RBMS2: variants seen among roughly 807,000 people sequenced by gnomAD.
RBMS2 encodes the protein RNA binding motif single stranded interacting protein 2.
Under a neutral mutation model 58.4 loss-of-function variants are expected in RBMS2, and 38 were observed. The observed-to-expected ratio is 0.65, with a 90% CI of 0.50 to 0.85. The LOEUF is 0.85. Ranked by LOEUF, RBMS2 falls within the 40% of genes least tolerant of loss-of-function variation. The pLI is 0.00. For synonymous variants in RBMS2, 151 were observed against 180.7 expected, an observed-to-expected ratio of 0.84 and a Z score of 1.32; for missense variants, 367 against 503.7, an observed-to-expected ratio of 0.73 and a Z score of 2.60.
Position 56,559,242 on chromosome 12 carries a change from C to T in RBMS2, c.67-3175C>T, listed in dbSNP as rs150533352. ...TTGCCCAGGCTGGAGTGCAGTGGCA[C>T]AATCTCGGCTCACTGCAAGCTCTGC... is the stretch of plus-strand genomic sequence containing the variant. On this transcript the variant is annotated intron_variant, in intron 1 of 13. Transcript: ENST00000262031. Among the ~76,000 whole-genome samples, 566 of 151,918 alleles carry T rather than the reference C, an allele frequency of 3.7e-3. 5 individuals carry two copies. The highest frequency in any genetic ancestry group is 0.013 in the African/African-American group (548 of 41,478).
intron 1 of RBMS2, among the ~76,000 whole-genome samples, chr12:56,551,681 A>G (rs1878296630): frequency 6.6e-6 from 1 of 152,172 alleles, no homozygotes; most frequent in Non-Finnish European, 1.5e-5. Flanking sequence ...GGAGTTCAGG[A>G]AAAGGTACAG....
intron 1 of RBMS2, among the ~76,000 whole-genome samples, chr12:56,526,529 A>T (rs572081190): frequency 3.3e-5 from 5 of 150,742 alleles, no homozygotes; most frequent in East Asian, 3.9e-4. Flanking sequence ...GTAGTGTTAA[A>T]TTTTTTTTTC....
intron 1 of RBMS2, among the ~76,000 whole-genome samples, chr12:56,525,511 T>C (rs1009066688): frequency 1.3e-5 from 2 of 150,630 alleles, no homozygotes; most frequent in Non-Finnish European, 3.0e-5. Context: ...CGTGAGCCAC[T>C]GTCTGGCCCA....
chr12:56,560,461 C>T (rs1447265202), intron 1 of RBMS2, among the ~76,000 whole-genome samples: 2 of 151,852 alleles, frequency 1.3e-5, no homozygotes, highest in Admixed American at 1.3e-4. Context: ...CACCTGTTGC[C>T]CAGGCTGATC....
chr12:56,539,460 G>T (rs7301093), intron 1 of RBMS2, among the ~76,000 whole-genome samples: 90,574 of 151,928 alleles, frequency 0.6, 27,612 homozygotes, highest in East Asian at 0.71. Flanking sequence ...CACCTTCTGT[G>T]TATAAGTTGT....
At position 56,574,806 on chromosome 12, in the gene RBMS2, G is replaced by A. The variant is rs77829556; in HGVS notation, c.542+2951G>A. ...ACTTCGTTTAAAAATGTATTCAAAT[G>A]AGATCTAAATATCATAGCAATCTGA... On this transcript the variant is annotated intron_variant, in intron 5 of 13. Transcript: ENST00000262031. Among the ~76,000 whole-genome samples, 898 of 152,250 alleles carry A rather than the reference G, an allele frequency of 5.9e-3. 3 individuals are homozygous for A. The highest frequency in any genetic ancestry group is 0.034 in the Middle Eastern group (10 of 294).
chr12:56,538,460 T>C (rs1281817469), intron 1 of RBMS2, among the ~76,000 whole-genome samples: 3 of 140,528 alleles, frequency 2.1e-5, no homozygotes, highest in Non-Finnish European at 4.6e-5. Context: ...TGAGTAGTAC[T>C]GATATCTTTT....
intron 4 of RBMS2, among the ~76,000 whole-genome samples, chr12:56,570,621 C>A (rs747836883): frequency 1.6e-4 from 24 of 152,040 alleles, no homozygotes; most frequent in African/African-American, 2.7e-4. Context: ...TCTGTCGCCC[C>A]GGCTGGAGTG....
In RBMS2 at chr12:56,588,932, G is replaced by A; in HGVS notation, c.1144G>A (p.Glu382Lys). 6.2e-7 allele frequency: 1 copy of A among 1,614,186 alleles called. No homozygotes were observed. ...ACCCCCCTCCTTGGCTATGGCACAG[G>A]AGAGCAGCGGCCAACAGAACCAAGT... ...PVPSSSVSVE[E>K]SSGQQNQVAV... is the part of the protein sequence containing the mutation. The change falls in exon 13 of 14, where the codon GAG becomes AAG. Residue 382 changes from glutamate to lysine, a missense_variant and splice_region_variant. Transcript: ENST00000262031.
At chr12:56,570,577 T>G (rs1376884810) in intron 4 of RBMS2, among the ~76,000 whole-genome samples, 1 of 152,146 alleles carries the variant, frequency 6.6e-6, no homozygotes, top group African/African-American at 2.4e-5. Flanking sequence ...CTATTTTATT[T>G]TATTTATTTA....
At chr12:56,583,130 A>G (rs1349504506) in intron 9 of RBMS2, among the ~76,000 whole-genome samples, 1 of 152,208 alleles carries the variant, frequency 6.6e-6, no homozygotes, top group East Asian at 1.9e-4. Context: ...GCTGCTATCA[A>G]TAATGCTCCA....
rs533054517 is a variant in RBMS2, at chr12:56,579,149, G to A, written c.543-2035G>A. Among the ~76,000 whole-genome samples, 12 of 152,180 alleles carry A rather than the reference G, an allele frequency of 7.9e-5. No individual in the cohort carries two copies. In the South Asian group the frequency reaches 8.3e-4, roughly 11 times the overall value. On this transcript the variant is annotated intron_variant, in intron 5 of 13. Transcript: ENST00000262031. ...GGGACTTCAGCCTTGATCATTAGCC[G>A]TCAGGAGCTCTCCCTCAGGAAGATC... is the stretch of plus-strand genomic sequence containing the variant.
intron 1 of RBMS2, among the ~76,000 whole-genome samples, chr12:56,551,229 C>A (rs930619946): frequency 6.6e-6 from 1 of 152,062 alleles, no homozygotes; most frequent in African/African-American, 2.4e-5. Flanking sequence ...GAAAACGAAA[C>A]CTTGCAGGTT....
At chr12:56,572,593 T>G (rs981042119) in intron 5 of RBMS2, among the ~76,000 whole-genome samples, 6 of 152,200 alleles carry the variant, frequency 3.9e-5, no homozygotes, top group Middle Eastern at 3.2e-3. Context: ...TTACTGAGTA[T>G]TTCTCATCTT....
intron 1 of RBMS2, among the ~76,000 whole-genome samples, chr12:56,561,275 A>G (rs1880338959): frequency 6.6e-6 from 1 of 152,160 alleles, no homozygotes; most frequent in Admixed American, 6.6e-5. Flanking sequence ...CTTTGGGTAT[A>G]TACACAGCAA....
intron 9 of RBMS2, among the ~76,000 whole-genome samples, chr12:56,584,357 C>A (rs999257537): frequency 6.7e-6 from 1 of 150,034 alleles, no homozygotes. Flanking sequence ...TGCTTGAGCC[C>A]GGAGATTGAG....
intron 5 of RBMS2, among the ~76,000 whole-genome samples, chr12:56,579,525 T>G (rs1883609977): frequency 6.6e-6 from 1 of 151,882 alleles, no homozygotes; most frequent in African/African-American, 2.4e-5. Flanking sequence ...CCCAGCTTAC[T>G]TGGGAGGCTG....
chr12:56,563,117 C>T (rs767509951), intron 2 of RBMS2, among the ~76,000 whole-genome samples: 2 of 151,906 alleles, frequency 1.3e-5, no homozygotes, highest in African/African-American at 2.4e-5. Context: ...AGTGAGATTC[C>T]ATCTCAAAAA....
chr12:56,562,277 C>T, intron 1 of RBMS2, 140 bp from the exon 2 acceptor site: 1 of 748,116 alleles, frequency 1.3e-6, no homozygotes, highest in East Asian at 2.7e-5. Flanking sequence ...AGCTAAGGAA[C>T]AAACTATGTG....
Sources: allele counts gnomAD v4.1 joint callset (sites outside exome capture counted in the v4.1 genomes callset), GRCh38; gene constraint gnomAD v4.1.1; transcripts MANE v1.5; gene names NCBI Gene and HGNC (gene_info 2026-07-23, HGNC 2026-07-21).